Variants in CDKL4 observed in about 807,000 individuals in gnomAD.
CDKL4 encodes the protein cyclin dependent kinase like 4.
A neutral mutation model predicts 42.0 loss-of-function variants in CDKL4; 44 were observed. The ratio of observed to expected loss-of-function variants is 1.05; its 90% CI spans 0.82 to 1.35. CDKL4 has a LOEUF of 1.35. Ranked by LOEUF, CDKL4 falls within the 40% of genes most tolerant of loss-of-function variation. The pLI is 0.00. For missense variants in CDKL4, 393 were observed against 369.9 expected, an observed-to-expected ratio of 1.06 and a Z score of -0.51; for synonymous variants, 120 against 121.6, an observed-to-expected ratio of 0.99 and a Z score of 0.09.
intron 8 of CDKL4, among the ~76,000 whole-genome samples, chr2:39,184,144 T>G (rs1675594488): frequency 6.6e-6 from 1 of 152,228 alleles, no homozygotes; most frequent in Non-Finnish European, 1.5e-5. Context: ...TAGACAGAAC[T>G]TAATTGATTG....
chr2:39,168,106 C>T, the CDKL4 span, among the ~76,000 whole-genome samples: 2 of 151,850 alleles, frequency 1.3e-5, no homozygotes, highest in Non-Finnish European at 2.9e-5. Context: ...TTTTTAAAAA[C>T]CATAATATTA....
chr2:39,204,706 C>A, intron 4 of CDKL4, 89 bp from the exon 5 acceptor site: 1 of 631,532 alleles, frequency 1.6e-6, no homozygotes, highest in Non-Finnish European at 2.6e-6. Context: ...AGATACACAG[C>A]CTATGAGATA....
chr2:39,173,140 C>T (rs1675045518), downstream of CDKL4, among the ~76,000 whole-genome samples: 1 of 151,984 alleles, frequency 6.6e-6, no homozygotes, highest in African/African-American at 2.4e-5. Context: ...GTCTTATTTT[C>T]TATATGTGTA....
At chr2:39,178,800 C>A in intron 9 of CDKL4, 1 of 1,563,972 alleles carries the variant, frequency 6.4e-7, no homozygotes, top group South Asian at 1.2e-5. Flanking sequence ...ACCGTTATTG[C>A]ACATCTGGAG....
the CDKL4 span, among the ~76,000 whole-genome samples, chr2:39,170,004 G>T: frequency 6.6e-6 from 1 of 151,946 alleles, no homozygotes; most frequent in Admixed American, 6.6e-5. Flanking sequence ...CCAAGTACAG[G>T]CCCACGCCAC....
At chr2:39,179,565 G>C (rs1047480594) in intron 8 of CDKL4, among the ~76,000 whole-genome samples, 1 of 152,214 alleles carries the variant, frequency 6.6e-6, no homozygotes, top group East Asian at 1.9e-4. Context: ...TGTAGATCTG[G>C]TGTTCCCACC....
chr2:39,214,655 G>A (rs1217643018), intron 3 of CDKL4, among the ~76,000 whole-genome samples: 9 of 152,170 alleles, frequency 5.9e-5, no homozygotes, highest in African/African-American at 2.2e-4. Flanking sequence ...CAGGTAGACC[G>A]GAGACTTGGT....
At chr2:39,169,401 C>T in the CDKL4 span, among the ~76,000 whole-genome samples, 6 of 152,046 alleles carry the variant, frequency 3.9e-5, no homozygotes, top group South Asian at 4.2e-4. Flanking sequence ...TGTGTGTTTG[C>T]GTGAGTGTGA....
intron 6 of CDKL4, among the ~76,000 whole-genome samples, chr2:39,189,961 T>C (rs1403515056): frequency 6.6e-6 from 1 of 152,192 alleles, no homozygotes; most frequent in Admixed American, 6.5e-5. Flanking sequence ...TGGACAGAAA[T>C]TGCATTTGAT....
intron 4 of CDKL4, among the ~76,000 whole-genome samples, chr2:39,208,973 G>C (rs962781105): frequency 2.6e-5 from 4 of 151,788 alleles, no homozygotes; most frequent in African/African-American, 9.7e-5. Context: ...AGATGCTGAC[G>C]GAGGTTGCAG....
At chr2:39,202,493 T>C (rs905078705) in intron 5 of CDKL4, among the ~76,000 whole-genome samples, 3 of 152,254 alleles carry the variant, frequency 2.0e-5, no homozygotes. Flanking sequence ...CTTTTCATTC[T>C]GTTTATAGTG....
At chr2:39,211,995 T>C (rs1677611972) in intron 4 of CDKL4, among the ~76,000 whole-genome samples, 1 of 152,126 alleles carries the variant, frequency 6.6e-6, no homozygotes, top group South Asian at 2.1e-4. Context: ...AAAGAACACG[T>C]TAAATTACAT....
At chr2:39,232,967 C>T (rs1679157114) in intron 1 of CDKL4, among the ~76,000 whole-genome samples, 1 of 144,474 alleles carries the variant, frequency 6.9e-6, no homozygotes, top group Admixed American at 7.4e-5. Flanking sequence ...ATTGCTTGAA[C>T]CCAGGAGGCG....
intron 8 of CDKL4, among the ~76,000 whole-genome samples, chr2:39,180,237 A>G (rs1675358861): frequency 6.6e-6 from 1 of 152,248 alleles, no homozygotes. Flanking sequence ...TTTTAAAAGG[A>G]GCAGTTTTAC....
intron 1 of CDKL4, among the ~76,000 whole-genome samples, chr2:39,240,690 A>G (rs1433961611): frequency 2.0e-5 from 3 of 151,182 alleles, no homozygotes; most frequent in Admixed American, 6.6e-5. Context: ...AAAAAAAAAA[A>G]AAAAAGAAAA....
At chr2:39,192,396 T>C (rs570297522) in intron 5 of CDKL4, among the ~76,000 whole-genome samples, 20 of 152,288 alleles carry the variant, frequency 1.3e-4, no homozygotes, top group Non-Finnish European at 2.8e-4. Context: ...AGGGTCATGC[T>C]GTCCCCCAGG....
At chr2:39,207,294 A>G (rs976572308) in intron 4 of CDKL4, among the ~76,000 whole-genome samples, 1 of 152,044 alleles carries the variant, frequency 6.6e-6, no homozygotes, top group East Asian at 1.9e-4. Flanking sequence ...CTGAGATGGG[A>G]GGATGGCTTG....
At chr2:39,229,201 G>A (rs1678941875) in intron 2 of CDKL4, among the ~76,000 whole-genome samples, 164 bp downstream of exon 2, 1 of 152,216 alleles carries the variant, frequency 6.6e-6, no homozygotes, top group Non-Finnish European at 1.5e-5. Context: ...GACAAAATCA[G>A]AGTGGCCGAA....
At chr2:39,181,155 A>T (rs1675418672) in intron 8 of CDKL4, among the ~76,000 whole-genome samples, 1 of 152,180 alleles carries the variant, frequency 6.6e-6, no homozygotes, top group Non-Finnish European at 1.5e-5. Context: ...TCATCTCAAT[A>T]GTATTAGACA....
Sources: gnomAD v4.1 joint callset for allele counts (sites outside exome capture counted in the v4.1 genomes callset) on GRCh38, gnomAD v4.1.1 for gene constraint, MANE v1.5 for transcripts, NCBI Gene and HGNC (gene_info 2026-07-23, HGNC 2026-07-21) for gene names.